WWP1: variants seen among roughly 807,000 people sequenced by gnomAD.
WWP1 encodes NEDD4-like E3 ubiquitin-protein ligase WWP1.
WWP1 carries 49 observed loss-of-function variants against 130.6 expected under a neutral mutation model. The observed-to-expected ratio is 0.38, with a 90% CI of 0.30 to 0.48. The LOEUF (loss-of-function observed/expected upper bound fraction) is 0.48, where lower values mean the gene tolerates loss of function less well. Ranked by LOEUF, WWP1 falls within the 20% of genes least tolerant of loss-of-function variation. The probability of loss-of-function intolerance (pLI) is 0.99; values close to 1 mark genes in which losing one functional copy is unlikely to be tolerated. For missense variants in WWP1, 809 were observed against 1,100.6 expected (o/e 0.74, Z 3.75); for synonymous variants, 332 against 367.8 (o/e 0.90, Z 1.11).
At chr8:86,446,477 A>G (rs1291549666) in intron 18 of WWP1, among the ~76,000 whole-genome samples, 3 of 151,922 alleles carry the variant, frequency 2.0e-5, no homozygotes, top group African/African-American at 7.3e-5. Context: ...GAAGCTCTTT[A>G]GTTTAATTAG....
chr8:86,431,413 A>G lies in WWP1; in HGVS notation c.1395A>G (p.Arg465=). ...ACTCACTTTATATTTCAGAAAAAAG[A>G]GTGGATTCAACAGACAGGGTTTACT... ...YGPLPPGWEK[R]VDSTDRVYFV... The change falls in exon 13 of 25, where the codon AGA becomes AGG. Residue 465 remains arginine (R), a synonymous_variant. Coordinates refer to ENST00000517970, the MANE Select transcript of WWP1 (RefSeq NM_007013.4). 4 of 1,590,808 alleles carry G rather than the reference A, an allele frequency of 2.5e-6. No individual in the cohort carries two copies. The highest frequency in any genetic ancestry group is 3.4e-6 in the Non-Finnish European group (4 of 1,167,592).
At chr8:86,381,039 A>C (rs977547767) in intron 4 of WWP1, among the ~76,000 whole-genome samples, 175 bp downstream of exon 4, 1 of 151,994 alleles carries the variant, frequency 6.6e-6, no homozygotes, top group Admixed American at 6.6e-5. Flanking sequence ...GGGAGGATGC[A>C]TAATAATGCT....
In WWP1 at chr8:86,411,533, C is replaced by G; in HGVS notation, c.725-5C>G. 1 of 1,603,256 alleles carries G rather than the reference C, an allele frequency of 6.2e-7. No individual in the cohort carries two copies. The highest frequency in any genetic ancestry group is 8.5e-7 in the Non-Finnish European group (1 of 1,173,278). The stretch of plus-strand genomic sequence containing the variant: ...TAGATGATTTTATTAATTTTCCCTT[C>G]TCAGTTAATGGAGAATCATCCTCAT... On this transcript the variant is annotated splice_region_variant and splice_polypyrimidine_tract_variant and intron_variant, in intron 8 of 24. Coordinates refer to ENST00000517970, the MANE Select transcript of WWP1 (RefSeq NM_007013.4).
chr8:86,459,879 A>G (rs2130085727), intron 22 of WWP1, among the ~76,000 whole-genome samples: 1 of 152,348 alleles, frequency 6.6e-6, no homozygotes, highest in East Asian at 1.9e-4. Context: ...AGGGAAAGTG[A>G]TGAGGTTTGT....
intron 3 of WWP1, among the ~76,000 whole-genome samples, chr8:86,375,209 C>T (rs899593708): frequency 1.3e-5 from 2 of 151,980 alleles, no homozygotes; most frequent in African/African-American, 4.8e-5. Context: ...CCCTTTAGGA[C>T]GTATAATCAA....
chr8:86,347,099 C>G (rs933657926), intron 1 of WWP1, among the ~76,000 whole-genome samples: 1 of 152,018 alleles, frequency 6.6e-6, no homozygotes, highest in African/African-American at 2.4e-5. Flanking sequence ...AAGCCTAGAC[C>G]TCAGCCTCCC....
intron 5 of WWP1, among the ~76,000 whole-genome samples, chr8:86,392,233 C>G (rs1807388811): frequency 6.6e-6 from 1 of 152,080 alleles, no homozygotes; most frequent in Non-Finnish European, 1.5e-5. Context: ...TCAAGAAGGT[C>G]CTGAGGACCC....
intron 2 of WWP1, among the ~76,000 whole-genome samples, chr8:86,369,931 G>A (rs1217934605): frequency 6.6e-6 from 1 of 151,704 alleles, no homozygotes; most frequent in African/African-American, 2.4e-5. Context: ...TGTAATTTGA[G>A]TGTACCAGAT....
chr8:86,395,098 C>T (rs1159590395), intron 5 of WWP1, among the ~76,000 whole-genome samples: 3 of 152,158 alleles, frequency 2.0e-5, no homozygotes, highest in South Asian at 4.1e-4. Context: ...CTCTAGTCTA[C>T]ACTCTTGGGC....
At chr8:86,431,591 T>C in intron 13 of WWP1, 24 bp from the exon 14 acceptor site, 1 of 1,612,862 alleles carries the variant, frequency 6.2e-7, no homozygotes, top group African/African-American at 1.3e-5. Flanking sequence ...AGGTTCATCT[T>C]GTGATTTTAA....
At chr8:86,461,393 C>A in intron 23 of WWP1, 73 bp downstream of exon 23, 2 of 1,262,420 alleles carry the variant, frequency 1.6e-6, no homozygotes, top group Admixed American at 1.8e-5. Flanking sequence ...ATACAATAGA[C>A]TTGATTGAAC....
chr8:86,402,275 C>G (rs1031702021), intron 8 of WWP1, 72 bp downstream of exon 8: 5 of 1,496,768 alleles, frequency 3.3e-6, no homozygotes, highest in Non-Finnish European at 3.6e-6. Context: ...TCCATGCCTA[C>G]ACTTCCCTTT....
At chr8:86,392,241 C>T (rs1323158472) in intron 5 of WWP1, among the ~76,000 whole-genome samples, 1 of 152,084 alleles carries the variant, frequency 6.6e-6, no homozygotes, top group Non-Finnish European at 1.5e-5. Context: ...GTCCTGAGGA[C>T]CCTGACTAGA....
At chr8:86,368,288 G>A (rs952622921) in intron 1 of WWP1, among the ~76,000 whole-genome samples, 3 of 152,170 alleles carry the variant, frequency 2.0e-5, no homozygotes, top group Non-Finnish European at 4.4e-5. Flanking sequence ...TGGTCATACA[G>A]CTCTTAAGTG....
chr8:86,437,788 A>G (rs1810375548), intron 16 of WWP1, among the ~76,000 whole-genome samples: 1 of 152,170 alleles, frequency 6.6e-6, no homozygotes, highest in South Asian at 2.1e-4. Flanking sequence ...TTTGTATAAT[A>G]TATGTATTAT....
At chr8:86,386,947 A>G (rs1326169397) in intron 5 of WWP1, 1 of 152,156 alleles carries the variant, frequency 6.6e-6, no homozygotes, top group East Asian at 1.9e-4. Flanking sequence ...AAGGGGATGA[A>G]CACTGTCCTC....
At chr8:86,384,455 C>T (rs1037742814) in intron 5 of WWP1, among the ~76,000 whole-genome samples, 4 of 151,946 alleles carry the variant, frequency 2.6e-5, no homozygotes, top group Non-Finnish European at 4.4e-5. Context: ...AGAGTATACA[C>T]GTAATTTCCG....
At chr8:86,457,900 G>A in intron 21 of WWP1, 21 bp from the exon 22 acceptor site, 1 of 1,603,366 alleles carries the variant, frequency 6.2e-7, no homozygotes, top group Non-Finnish European at 8.5e-7. Context: ...ATTGTGGCCT[G>A]ATTCTGTGCT....
chr8:86,391,574 A>G (rs1386314294), intron 5 of WWP1, among the ~76,000 whole-genome samples: 3 of 152,196 alleles, frequency 2.0e-5, no homozygotes, highest in Non-Finnish European at 4.4e-5. Context: ...AGTAGTCAGA[A>G]CATACTTTAA....
Sources: gnomAD v4.1 joint callset for allele counts (sites outside exome capture counted in the v4.1 genomes callset) on GRCh38, gnomAD v4.1.1 for gene constraint, MANE v1.5 for transcripts, NCBI Gene and HGNC (gene_info 2026-07-23, HGNC 2026-07-21) for gene names.